The following ATP9B variants were observed in gnomAD, a reference collection of about 807,000 sequenced individuals.
ATP9B encodes probable phospholipid-transporting ATPase IIB.
Under a neutral mutation model 146.1 loss-of-function variants are expected in ATP9B, and 110 were observed. The ratio of observed to expected loss-of-function variants is 0.75; its 90% confidence interval spans 0.65 to 0.88. ATP9B has a LOEUF of 0.88. Among genes scored for constraint, ATP9B ranks in the 40% least tolerant of loss-of-function variants. The pLI, the probability that ATP9B is intolerant of heterozygous loss-of-function variation, is 0.00. For synonymous variants in ATP9B, 604 were observed against 569.7 expected (o/e 1.06, Z -0.86); for missense variants, 1,499 against 1,496.4 (o/e 1.00, Z -0.03).
intron 2 of ATP9B, among the ~76,000 whole-genome samples, chr18:79,107,063 G>C (rs185764528): frequency 2.4e-4 from 36 of 152,290 alleles, no homozygotes; most frequent in African/African-American, 7.7e-4. Flanking sequence ...GAACATCAGA[G>C]TAGATAATTA....
intron 19 of ATP9B, among the ~76,000 whole-genome samples, chr18:79,341,453 TC>T: frequency 1.3e-4 from 6 of 44,782 alleles, no homozygotes; most frequent in East Asian, 7.9e-4. Flanking sequence ...TAGCGTGACC[TC>T]GTTGAAGCCT....
intron 1 of ATP9B, chr18:79,085,763 A>G (rs1412378776): frequency 1.3e-5 from 2 of 152,248 alleles, no homozygotes; most frequent in Non-Finnish European, 2.9e-5. Context: ...GGCCCTGCCC[A>G]GAGCCATTTG....
intron 8 of ATP9B, among the ~76,000 whole-genome samples, chr18:79,188,816 C>T (rs1286645964): frequency 2.0e-5 from 3 of 150,978 alleles, no homozygotes; most frequent in Non-Finnish European, 2.9e-5. Context: ...CTCAAGTCTT[C>T]CTTTAGATCT....
intron 1 of ATP9B, among the ~76,000 whole-genome samples, chr18:79,079,233 C>G (rs1012782864): frequency 1.3e-5 from 2 of 152,186 alleles, no homozygotes; most frequent in African/African-American, 2.4e-5. Context: ...TGAGGAATTG[C>G]TACACTGTCT....
chr18:79,299,750 C>T (rs1040175450), intron 13 of ATP9B: 9 of 152,214 alleles, frequency 5.9e-5, no homozygotes, highest in East Asian at 3.8e-4. Flanking sequence ...GTTTTGCAGC[C>T]TGCAGGTTAC....
chr18:79,344,589 T>C (rs1319616961), intron 21 of ATP9B, among the ~76,000 whole-genome samples: 1 of 152,244 alleles, frequency 6.6e-6, no homozygotes, highest in East Asian at 1.9e-4. Context: ...CCATTCATGC[T>C]GTTTTTAGGC....
Position 79,345,830 on chromosome 18 carries a change from T to G in ATP9B, c.2673T>G (p.Ile891Met). The change falls in exon 23 of 30, where the codon ATT (isoleucine) becomes ATG (methionine). Residue 891 changes from isoleucine to methionine, a missense_variant. Physicochemically the swap from Ile to Met is conservative, Grantham distance 10 (BLOSUM62 1). Coordinates refer to ENST00000426216, the MANE Select transcript of ATP9B (RefSeq NM_198531.5). ...MIQAADCGIG[I>M]EGKEGKQASL... is the part of the protein sequence containing the mutation. ...AGGCAGCAGACTGTGGGATTGGGAT[T>G]GAGGGAAAGGTAGGTTCGCCCTTTT... 4 of 1,614,252 alleles carry G rather than the reference T, an allele frequency of 2.5e-6. No individual in the cohort carries two copies. The highest frequency in any genetic ancestry group is 2.5e-6 in the Non-Finnish European group (3 of 1,180,046).
At chr18:79,164,948 T>C (rs2094942653) in intron 7 of ATP9B, among the ~76,000 whole-genome samples, 1 of 152,100 alleles carries the variant, frequency 6.6e-6, no homozygotes, top group Non-Finnish European at 1.5e-5. Context: ...TGCATGGACA[T>C]TTTAGTTGTA....
intron 4 of ATP9B, chr18:79,114,908 A>G (rs1353044121): frequency 6.5e-6 from 1 of 153,512 alleles, no homozygotes; most frequent in East Asian, 1.9e-4. Context: ...TTTATCCTAA[A>G]GAAATAATGA....
intron 12 of ATP9B, among the ~76,000 whole-genome samples, chr18:79,268,647 T>G (rs1166013134): frequency 6.6e-6 from 1 of 152,224 alleles, no homozygotes; most frequent in Non-Finnish European, 1.5e-5. Flanking sequence ...TAGTTGTTCT[T>G]AAACCCCAAA....
intron 15 of ATP9B, among the ~76,000 whole-genome samples, chr18:79,311,942 G>T (rs1237706557): frequency 6.6e-6 from 1 of 152,198 alleles, no homozygotes; most frequent in Non-Finnish European, 1.5e-5. Flanking sequence ...GTGGCTGGGC[G>T]CACTTGCACG....
chr18:79,250,686 A>G lies in ATP9B; in HGVS notation c.1108-2695A>G, dbSNP rs182623940. On this transcript the variant is annotated intron_variant, in intron 11 of 29. Coordinates refer to ENST00000426216, the MANE Select transcript of ATP9B (RefSeq NM_198531.5). Reference sequence around the variant, plus strand: ...GTCCTGGTTGTGCTGCTTTTTAAATAGAGCTGATAAATCAGCCGCTGTGGT... The same window carrying G: ...GTCCTGGTTGTGCTGCTTTTTAAATGGAGCTGATAAATCAGCCGCTGTGGT... 2.0e-4 allele frequency among the ~76,000 whole-genome samples: 30 copies of G among 152,398 alleles called. 1 individual carries two copies. The highest frequency in any genetic ancestry group is 3.8e-4 in the Non-Finnish European group (26 of 68,046).
intron 7 of ATP9B, among the ~76,000 whole-genome samples, chr18:79,167,122 G>C: frequency 6.6e-6 from 1 of 152,206 alleles, no homozygotes; most frequent in East Asian, 1.9e-4. Context: ...TCGGTGAGCT[G>C]TTAAGTCTGG....
At chr18:79,366,653 AACAC>A (rs1203707172) in intron 26 of ATP9B, among the ~76,000 whole-genome samples, 1 of 152,228 alleles carries the variant, frequency 6.6e-6, no homozygotes, top group African/African-American at 2.4e-5. Context: ...TGACTTAGTA[AACAC>A]ACACAGTCCT....
chr18:79,263,015 G>A (rs2096160522), intron 12 of ATP9B, among the ~76,000 whole-genome samples: 1 of 152,076 alleles, frequency 6.6e-6, no homozygotes, highest in Non-Finnish European at 1.5e-5. Context: ...ATTACTTCTT[G>A]TTGCACAAGC....
chr18:79,290,194 G>A (rs1016843791), intron 13 of ATP9B, among the ~76,000 whole-genome samples: 8 of 152,250 alleles, frequency 5.3e-5, no homozygotes, highest in Admixed American at 4.6e-4. Context: ...CTGTCTTTTT[G>A]TTTGTCTGTG....
chr18:79,315,870 AC>A (rs2096676838), intron 15 of ATP9B, among the ~76,000 whole-genome samples: 1 of 152,176 alleles, frequency 6.6e-6, no homozygotes, highest in Admixed American at 6.5e-5. Context: ...GTTCCCACTT[AC>A]ATATATTTTT....
chr18:79,298,720 G>A (rs1568611298), intron 13 of ATP9B, among the ~76,000 whole-genome samples: 1 of 146,454 alleles, frequency 6.8e-6, no homozygotes, highest in South Asian at 2.2e-4. Flanking sequence ...TGGTATTGGG[G>A]GATTTTTCAA....
intron 10 of ATP9B, among the ~76,000 whole-genome samples, chr18:79,213,391 T>C (rs747436355): frequency 4.6e-5 from 7 of 152,164 alleles, no homozygotes; most frequent in Non-Finnish European, 1.0e-4. Flanking sequence ...TATTATATCT[T>C]TTTGACGTGT....
Sources: gnomAD v4.1 joint callset for allele counts (sites outside exome capture counted in the v4.1 genomes callset) on GRCh38, gnomAD v4.1.1 for gene constraint, MANE v1.5 for transcripts, NCBI Gene and HGNC (gene_info 2026-07-23, HGNC 2026-07-21) for gene names.